The following IFIT1 variants were observed in gnomAD, a reference collection of about 807,000 sequenced individuals.
The protein encoded by IFIT1 is antiviral innate immune response effector IFIT1.
Under a neutral mutation model 2.5 loss-of-function variants are expected in IFIT1, and 1 was observed. That is an observed-to-expected ratio of 0.40 (90% CI 0.14 to 1.92). The LOEUF is 1.92. IFIT1 is among the 40% of genes most tolerant of loss of function. The pLI is 0.31. For synonymous variants in IFIT1, 191 were observed against 201.7 expected, an observed-to-expected ratio of 0.95 and a Z score of 0.45; for missense variants, 508 against 557.8, an observed-to-expected ratio of 0.91 and a Z score of 0.90.
In IFIT1 at chr10:89,402,751, G is replaced by A. The variant is rs139017158; in HGVS notation, c.476G>A (p.Arg159Gln). ...LLKCGGKNYE[R>Q]AKACFEKVLE... is the part of the protein sequence containing the mutation. Reference sequence around the variant, plus strand: ...AAGTGTGGAGGAAAAAATTATGAACGGGCCAAGGCCTGCTTTGAAAAGGTG... The same window carrying A: ...AAGTGTGGAGGAAAAAATTATGAACAGGCCAAGGCCTGCTTTGAAAAGGTG... The change falls in exon 2 of 2, where the codon CGG (arginine) becomes CAG (glutamine). Residue 159 changes from arginine (R) to glutamine (Q), a missense_variant. Arg to Gln is a conservative substitution (Grantham distance 43, BLOSUM62 1). Coordinates refer to ENST00000371804, the MANE Select transcript of IFIT1 (RefSeq NM_001548.5). The A allele has an allele frequency of 1.1e-4, 183 of 1,614,078 alleles. 1 individual carries two copies. The highest frequency in any genetic ancestry group is 1.5e-4 in the Non-Finnish European group (179 of 1,180,036).
Position 89,402,866 on chromosome 10 carries a change from T to C in IFIT1, c.591T>C (p.Asn197=), listed in dbSNP as rs770358372. The change falls in exon 2 of 2, where the codon AAT becomes AAC. Residue 197 remains asparagine, a synonymous_variant. Coordinates refer to ENST00000371804, the MANE Select transcript of IFIT1 (RefSeq NM_001548.5). ...RLDGFKLATK[N]HKPFSLLPLR... ...ATGGCTTTAAATTAGCCACAAAAAA[T>C]CACAAGCCATTTTCTTTGCTTCCCC... 1.2e-6 allele frequency: 2 copies of C among 1,614,150 alleles called. No homozygotes were observed. Among genetic ancestry groups the C allele is most frequent in the Non-Finnish European group, 1.7e-6 (2 of 1,180,032 alleles).
chr10:89,400,461 T>G (rs1010565920), intron 1 of IFIT1, among the ~76,000 whole-genome samples: 1 of 152,218 alleles, frequency 6.6e-6, no homozygotes, highest in Admixed American at 6.5e-5. Context: ...AGCAGTCTTA[T>G]AGTTTCCAGT....
At chr10:89,392,784 T>C (rs1452828367) in intron 1 of IFIT1, 67 bp downstream of exon 1, 1 of 1,515,640 alleles carries the variant, frequency 6.6e-7, no homozygotes, top group Non-Finnish European at 9.2e-7. Context: ...TTAAATACTA[T>C]TTCAACAGGT....
intron 1 of IFIT1, 24 bp from the exon 2 acceptor site, chr10:89,402,255 AAG>A: frequency 6.7e-7 from 1 of 1,498,948 alleles, no homozygotes; most frequent in East Asian, 2.3e-5. Context: ...TCACCTAACA[AAG>A]AAAATCTGTT....
chr10:89,401,718 G>A (rs1231954703), intron 1 of IFIT1, among the ~76,000 whole-genome samples: 1 of 151,464 alleles, frequency 6.6e-6, no homozygotes, highest in Non-Finnish European at 1.5e-5. Flanking sequence ...GTGGGTGAAG[G>A]ATACACTGGA....
At position 89,400,956 on chromosome 10, in the gene IFIT1, GT is replaced by G. The variant is rs151176238; in HGVS notation, c.6-1315del. Among the ~76,000 whole-genome samples, 167 of 146,660 alleles carry G rather than the reference GT, an allele frequency of 1.1e-3. 2 individuals are homozygous for G. The highest frequency in any genetic ancestry group is 2.5e-3 in the Admixed American group (37 of 14,754). On this transcript the variant is annotated intron_variant, in intron 1 of 1. Transcript: ENST00000371804. ...CCCCTGTATTAGTAGTCTATAGTCT[GT>G]TTTTTTTTTCATAAAGGGTGTTGAA...
At position 89,403,022 on chromosome 10, in the gene IFIT1, A is replaced by G. The variant is rs1158591265; in HGVS notation, c.747A>G (p.Ser249=). ...YIEEALANMS[S]QTYVFRYAAK... The stretch of plus-strand genomic sequence containing the variant: ...AAGAAGCTCTAGCCAACATGTCCTC[A>G]CAGACCTATGTCTTTCGATATGCAG... Residue 249 remains serine (S), a synonymous_variant, in exon 2 of 2, where the codon TCA becomes TCG. Coordinates refer to ENST00000371804, the MANE Select transcript of IFIT1 (RefSeq NM_001548.5). 1.9e-6 allele frequency: 3 copies of G among 1,614,252 alleles called. No individual in the cohort carries two copies. The South Asian group carries it at 3.3e-5, about 18-fold the overall frequency.
intron 1 of IFIT1, chr10:89,392,966 G>A (rs1779576579): frequency 1.5e-6 from 1 of 668,342 alleles, no homozygotes; most frequent in Non-Finnish European, 2.4e-6. Flanking sequence ...GCCCAAAGAA[G>A]GGGAGGGAAA....
In IFIT1 at chr10:89,403,265, A is replaced by T; in HGVS notation, c.990A>T (p.Glu330Asp). 1 of 1,614,246 alleles carries T rather than the reference A, an allele frequency of 6.2e-7. No homozygotes were observed. The highest frequency in any genetic ancestry group is 1.1e-5 in the South Asian group (1 of 91,086). Residue 330 changes from glutamate to aspartate, a missense_variant, in exon 2 of 2, where the codon GAA becomes GAT. Coordinates refer to ENST00000371804, the MANE Select transcript of IFIT1 (RefSeq NM_001548.5). ...KMIRSAIFHF[E>D]SAVEKKPTFE... ...TAAGATCAGCCATATTTCATTTTGA[A>T]TCTGCAGTGGAAAAAAAGCCCACAT... is the stretch of plus-strand genomic sequence containing the variant.
chr10:89,393,993 T>A (rs1411247069), intron 1 of IFIT1, among the ~76,000 whole-genome samples: 1 of 152,238 alleles, frequency 6.6e-6, no homozygotes, highest in Admixed American at 6.5e-5. Flanking sequence ...ATGTAAATTA[T>A]TCCATTTAAT....
rs1844519765 is a variant in IFIT1, at chr10:89,405,762, C to T, written c.*2050C>T. On this transcript the variant is annotated 3_prime_UTR_variant, in exon 2 of 2. Coordinates refer to ENST00000371804, the MANE Select transcript of IFIT1 (RefSeq NM_001548.5). The stretch of plus-strand genomic sequence containing the variant: ...TTGCCTCTTTCTTCTAAGGACGCAC[C>T]AGGTCCACCTGCATAATCCAGAATA... The T allele has an allele frequency of 6.6e-6, 1 of 152,214 alleles. No homozygotes were observed. The highest frequency in any genetic ancestry group is 1.5e-5 in the Non-Finnish European group (1 of 68,062). 9.4% of individuals were successfully genotyped at this position (152,214 alleles called of 1,614,324 possible). A position where few individuals can be genotyped will look rare whatever the true frequency, so the allele number is the denominator to read the frequency against.
At chr10:89,395,684 G>A (rs1296263181) in intron 1 of IFIT1, among the ~76,000 whole-genome samples, 1 of 152,112 alleles carries the variant, frequency 6.6e-6, no homozygotes, top group Non-Finnish European at 1.5e-5. Context: ...TTAGGCATTA[G>A]GCTGTTCATC....
Position 89,405,951 on chromosome 10 carries a change from T to G in IFIT1, c.*2239T>G, listed in dbSNP as rs1016019527. ...CCAAGAAAATCTCCAAATTTTGGGC[T>G]TCCAATCCATTTTGCTTCAATTATT... On this transcript the variant is annotated 3_prime_UTR_variant, in exon 2 of 2. Transcript: ENST00000371804. 6.6e-6 allele frequency: 1 copy of G among 152,218 alleles called. No individual in the cohort carries two copies. The highest frequency in any genetic ancestry group is 1.5e-5 in the Non-Finnish European group (1 of 68,046). The allele number at this position is 152,218 out of a possible 1,614,324, so 9.4% of individuals were successfully genotyped here.
At chr10:89,401,450 C>G (rs1322543542) in intron 1 of IFIT1, among the ~76,000 whole-genome samples, 4 of 151,930 alleles carry the variant, frequency 2.6e-5, no homozygotes, top group Non-Finnish European at 5.9e-5. Flanking sequence ...GACAAAATTA[C>G]AGAGATGAAG....
At chr10:89,400,035 C>A (rs1159952761) in intron 1 of IFIT1, among the ~76,000 whole-genome samples, 6 of 152,292 alleles carry the variant, frequency 3.9e-5, no homozygotes, top group African/African-American at 1.4e-4. Flanking sequence ...GTTTAAGACA[C>A]CCACTCTGTT....
Position 89,405,853 on chromosome 10 carries a change from C to T in IFIT1, c.*2141C>T, listed in dbSNP as rs1161150521. On this transcript the variant is annotated 3_prime_UTR_variant, in exon 2 of 2. Coordinates refer to ENST00000371804, the MANE Select transcript of IFIT1 (RefSeq NM_001548.5). The stretch of plus-strand genomic sequence containing the variant: ...AAGTCCCTTTTGCTATGTAAAGTAG[C>T]ATGTTCACAGGTTCTGGAGACTTGG... 1 of 152,154 alleles carries T rather than the reference C, an allele frequency of 6.6e-6. No homozygotes were observed. The allele number at this position is 152,154 out of a possible 1,614,324, so 9.4% of individuals were successfully genotyped here. A position where few individuals can be genotyped will look rare whatever the true frequency, so the allele number is the denominator to read the frequency against.
chr10:89,399,050 T>A (rs571758805), intron 1 of IFIT1, among the ~76,000 whole-genome samples: 120 of 152,286 alleles, frequency 7.9e-4, no homozygotes, highest in African/African-American at 2.0e-3. Context: ...GCTTTTTTTT[T>A]AAAATAATAG....
chr10:89,392,712 C>G lies in IFIT1; in HGVS notation c.-1C>G. On this transcript the variant is annotated 5_prime_UTR_variant, in exon 1 of 2. Coordinates refer to ENST00000371804, the MANE Select transcript of IFIT1 (RefSeq NM_001548.5). ...GAACGGCTGCCTAATTTACAGCAAC[C>G]ATGAGGTAAGGATTTCTTTGCTCCT... 6.2e-7 allele frequency: 1 copy of G among 1,614,006 alleles called. No individual in the cohort carries two copies. Among genetic ancestry groups the G allele is most frequent in the Non-Finnish European group, 8.5e-7 (1 of 1,179,930 alleles).
chr10:89,394,797 C>A (rs528429674), intron 1 of IFIT1, among the ~76,000 whole-genome samples: 1 of 151,590 alleles, frequency 6.6e-6, no homozygotes, highest in Non-Finnish European at 1.5e-5. Context: ...GAACATTTTT[C>A]TCGCTATGTG....
Sources: gnomAD v4.1 joint callset for allele counts (sites outside exome capture counted in the v4.1 genomes callset) on GRCh38, gnomAD v4.1.1 for gene constraint, MANE v1.5 for transcripts, NCBI Gene and HGNC (gene_info 2026-07-23, HGNC 2026-07-21) for gene names.